CALN1: variants seen among roughly 807,000 people sequenced by gnomAD.
CALN1 encodes the protein calcium-binding protein 8.
Under a neutral mutation model 30.6 loss-of-function variants are expected in CALN1, and 17 were observed. That is an observed-to-expected ratio of 0.56 (90% confidence interval 0.38 to 0.83). The LOEUF (loss-of-function observed/expected upper bound fraction) is 0.83, where lower values mean the gene tolerates loss of function less well. CALN1 is among the 40% of genes least tolerant of loss of function. The probability of loss-of-function intolerance (pLI) is 0.00; values close to 1 mark genes in which losing one functional copy is unlikely to be tolerated. For synonymous variants in CALN1, 156 were observed against 131.4 expected, an observed-to-expected ratio of 1.19 and a Z score of -1.28; for missense variants, 291 against 354.9, an observed-to-expected ratio of 0.82 and a Z score of 1.45.
chr7:72,353,472 A>T (rs1331609416), intron 2 of CALN1, among the ~76,000 whole-genome samples: 1 of 152,194 alleles, frequency 6.6e-6, no homozygotes, highest in Non-Finnish European at 1.5e-5. Context: ...TATAGAAGAA[A>T]AAATTACAAT....
chr7:72,009,757 C>G (rs1003520532), intron 5 of CALN1, among the ~76,000 whole-genome samples: 1 of 152,148 alleles, frequency 6.6e-6, no homozygotes, highest in African/African-American at 2.4e-5. Context: ...GTTTCCCTTT[C>G]ATTTGGCTCT....
chr7:72,179,528 A>C (rs1789604523), intron 3 of CALN1, among the ~76,000 whole-genome samples: 1 of 152,224 alleles, frequency 6.6e-6, no homozygotes. Context: ...TATGTAACTT[A>C]TCATCATGAA....
intron 3 of CALN1, among the ~76,000 whole-genome samples, chr7:72,194,828 G>A (rs1312264509): frequency 6.6e-6 from 1 of 151,950 alleles, no homozygotes; most frequent in Non-Finnish European, 1.5e-5. Flanking sequence ...TTGACCTCAT[G>A]ATCCATCTGT....
chr7:71,940,651 G>T (rs1296158250), intron 5 of CALN1, among the ~76,000 whole-genome samples: 1 of 152,064 alleles, frequency 6.6e-6, no homozygotes, highest in Non-Finnish European at 1.5e-5. Flanking sequence ...CCCAGGCCGG[G>T]TTGGTGTAGT....
At chr7:72,451,845 T>TC (rs1554410385), upstream of CALN1, among the ~76,000 whole-genome samples, 40,735 of 150,076 alleles carry the variant, frequency 0.27, 6,180 homozygotes, top group African/African-American at 0.4. Flanking sequence ...TGTGGTGAAT[T>TC]AAAAAAAAAA....
At chr7:72,466,891 GAAAA>G in the CALN1 span, among the ~76,000 whole-genome samples, 17 of 151,254 alleles carry the variant, frequency 1.1e-4, no homozygotes, top group African/African-American at 3.6e-4. Context: ...AGAAAGAAAA[GAAAA>G]AGAAAGAGAA....
intron 3 of CALN1, among the ~76,000 whole-genome samples, chr7:72,157,039 T>C (rs1474205765): frequency 5.9e-5 from 9 of 152,272 alleles, no homozygotes; most frequent in Admixed American, 3.9e-4. Flanking sequence ...GCCAGTCAAA[T>C]TGATGGAAGT....
chr7:71,906,354 G>A (rs553633201), intron 5 of CALN1, among the ~76,000 whole-genome samples: 54 of 152,324 alleles, frequency 3.5e-4, no homozygotes, highest in South Asian at 1.2e-3. Flanking sequence ...AGCAGGCAGT[G>A]AGGAGGAGCT....
intron 5 of CALN1, among the ~76,000 whole-genome samples, chr7:71,846,884 C>CACATATATGTATATATAATATATACAT (rs1562834201): frequency 5.0e-4 from 72 of 143,368 alleles, no homozygotes; most frequent in Middle Eastern, 3.8e-3. Context: ...AATATATACA[C>CACATATATGTATATATAATATATACAT]ACATATATGT....
chr7:71,919,220 A>C (rs1794820173), intron 5 of CALN1, among the ~76,000 whole-genome samples: 1 of 152,182 alleles, frequency 6.6e-6, no homozygotes, highest in South Asian at 2.1e-4. Flanking sequence ...TGCCATTTTA[A>C]AACTCCTTAT....
chr7:71,909,593 GCAGA>G (rs1206673232), intron 5 of CALN1, among the ~76,000 whole-genome samples: 2 of 152,126 alleles, frequency 1.3e-5, no homozygotes, highest in Admixed American at 1.3e-4. Context: ...ATGAAATTAG[GCAGA>G]CACTCATCTG....
At chr7:72,378,007 C>A (rs529178606) in intron 2 of CALN1, among the ~76,000 whole-genome samples, 1 of 152,064 alleles carries the variant, frequency 6.6e-6, no homozygotes, top group South Asian at 2.1e-4. Context: ...TATTTCCCAG[C>A]CATTCGTCCT....
At chr7:72,064,576 A>G (rs1466878102) in intron 4 of CALN1, among the ~76,000 whole-genome samples, 1 of 152,200 alleles carries the variant, frequency 6.6e-6, no homozygotes, top group Admixed American at 6.5e-5. Context: ...AGTAAAAATC[A>G]TATATTTTGC....
At chr7:72,360,504 A>G (rs1803507578) in intron 2 of CALN1, among the ~76,000 whole-genome samples, 1 of 151,918 alleles carries the variant, frequency 6.6e-6, no homozygotes, top group Non-Finnish European at 1.5e-5. Flanking sequence ...TGGGTTTCAT[A>G]AAAGCCAAAC....
At chr7:71,899,044 T>C (rs762710742) in intron 5 of CALN1, among the ~76,000 whole-genome samples, 8 of 152,238 alleles carry the variant, frequency 5.3e-5, no homozygotes, top group African/African-American at 9.6e-5. Context: ...CAATGACTTC[T>C]GTAAGCCAAA....
intron 2 of CALN1, among the ~76,000 whole-genome samples, chr7:72,388,704 G>T (rs1432438946): frequency 1.3e-5 from 2 of 152,152 alleles, no homozygotes; most frequent in Admixed American, 6.5e-5. Flanking sequence ...AAAATGCAGA[G>T]AGAGAGAGAG....
chr7:72,046,415 A>AT (rs1041083876), intron 4 of CALN1, among the ~76,000 whole-genome samples: 7 of 151,932 alleles, frequency 4.6e-5, no homozygotes, highest in South Asian at 2.1e-4. Flanking sequence ...TCATTTTTTA[A>AT]TTTTTTTGTA....
At chr7:72,309,336 T>A (rs2129556259) in intron 2 of CALN1, among the ~76,000 whole-genome samples, 1 of 152,112 alleles carries the variant, frequency 6.6e-6, no homozygotes, top group African/African-American at 2.4e-5. Context: ...AACATACACA[T>A]CAGTCTGTGT....
chr7:72,035,405 C>T (rs1801735580), intron 4 of CALN1, among the ~76,000 whole-genome samples: 3 of 151,822 alleles, frequency 2.0e-5, no homozygotes, highest in African/African-American at 7.3e-5. Flanking sequence ...TAAAGTCCCT[C>T]AAGGTTCATC....
Sources: allele counts gnomAD v4.1 joint callset (sites outside exome capture counted in the v4.1 genomes callset), GRCh38; gene constraint gnomAD v4.1.1; transcripts MANE v1.5; gene names NCBI Gene and HGNC (gene_info 2026-07-23, HGNC 2026-07-21).